Variants in PCDHA12 observed in about 807,000 individuals in gnomAD.
PCDHA12 encodes protocadherin alpha 12.
A neutral mutation model predicts 60.0 loss-of-function variants in PCDHA12; 44 were observed. The ratio of observed to expected loss-of-function variants is 0.73; its 90% CI spans 0.58 to 0.94. PCDHA12 has a LOEUF of 0.94. Ranked by LOEUF, PCDHA12 falls within the 40% of genes least tolerant of loss-of-function variation. The pLI is 0.00. For synonymous variants in PCDHA12, 569 were observed against 553.0 expected (o/e 1.03, Z -0.40); for missense variants, 1,276 against 1,239.7 (o/e 1.03, Z -0.44).
intron 1 of PCDHA12, among the ~76,000 whole-genome samples, chr5:140,901,384 T>C (rs2068629478): frequency 6.6e-6 from 1 of 152,226 alleles, no homozygotes. Flanking sequence ...TAATTCAATA[T>C]TTGTATATGG....
At chr5:140,911,299 T>A (rs1583781432) in intron 1 of PCDHA12, among the ~76,000 whole-genome samples, 1 of 152,154 alleles carries the variant, frequency 6.6e-6, no homozygotes, top group Non-Finnish European at 1.5e-5. Flanking sequence ...CTTTTACATA[T>A]CCCCATTCCA....
intron 1 of PCDHA12, chr5:140,882,078 C>T: frequency 1.1e-6 from 1 of 937,486 alleles, no homozygotes; most frequent in Non-Finnish European, 1.6e-6. Flanking sequence ...CGCATGGTGT[C>T]GCTCTTCACT....
Position 140,884,327 on chromosome 5 carries a change from G to T in PCDHA12, c.2367+6488G>T, listed in dbSNP as rs1400364790. The T allele has an allele frequency of 5.6e-6, 9 of 1,613,894 alleles. No individual in the cohort carries two copies. In the African/African-American group the frequency reaches 9.3e-5, roughly 17 times the overall value. Reference sequence around the variant, plus strand: ...TTCGTCGAGGGCGTCGGCAGGCGCTGTGGGTCCAGAAGCGGCGCTGGTGGA... The same window carrying T: ...TTCGTCGAGGGCGTCGGCAGGCGCTTTGGGTCCAGAAGCGGCGCTGGTGGA... On this transcript the variant is annotated intron_variant, in intron 1 of 3. Coordinates refer to ENST00000398631, the MANE Select transcript of PCDHA12 (RefSeq NM_018903.4).
chr5:140,920,002 A>G (rs1260973070), intron 1 of PCDHA12, among the ~76,000 whole-genome samples: 1 of 152,230 alleles, frequency 6.6e-6, no homozygotes, highest in Non-Finnish European at 1.5e-5. Flanking sequence ...CACAGAGGAA[A>G]AGGCCATGCG....
intron 1 of PCDHA12, among the ~76,000 whole-genome samples, chr5:140,940,306 T>C (rs2092590981): frequency 6.6e-6 from 1 of 152,200 alleles, no homozygotes; most frequent in Non-Finnish European, 1.5e-5. Context: ...TAATTTATTA[T>C]CTTTCTTCCA....
chr5:140,968,262 A>G, intron 1 of PCDHA12: 5 of 1,614,054 alleles, frequency 3.1e-6, no homozygotes, highest in Non-Finnish European at 4.2e-6. Flanking sequence ...CCAGATGAAA[A>G]GGAGAATGCA....
intron 1 of PCDHA12, among the ~76,000 whole-genome samples, chr5:140,938,177 C>A (rs1165477047): frequency 6.6e-6 from 1 of 152,110 alleles, no homozygotes; most frequent in African/African-American, 2.4e-5. Flanking sequence ...AGCTCCTGGG[C>A]TCAAGCAATC....
At chr5:140,943,630 T>C (rs1224015760) in intron 1 of PCDHA12, among the ~76,000 whole-genome samples, 1 of 152,130 alleles carries the variant, frequency 6.6e-6, no homozygotes, top group Non-Finnish European at 1.5e-5. Flanking sequence ...ATAAGGAAGC[T>C]GGATTATGGA....
At chr5:140,960,446 T>C (rs1563310715) in intron 1 of PCDHA12, among the ~76,000 whole-genome samples, 2 of 152,204 alleles carry the variant, frequency 1.3e-5, no homozygotes, top group African/African-American at 4.8e-5. Context: ...GATATATGTA[T>C]GGATAATTTT....
chr5:141,009,449 A>T, intron 3 of PCDHA12, among the ~76,000 whole-genome samples, 178 bp from the exon 4 acceptor site: 1 of 152,184 alleles, frequency 6.6e-6, no homozygotes, highest in Non-Finnish European at 1.5e-5. Context: ...GTCTCAAAAA[A>T]ATTAAACAAA....
At chr5:140,932,810 A>G (rs925757508) in intron 1 of PCDHA12, among the ~76,000 whole-genome samples, 1 of 151,958 alleles carries the variant, frequency 6.6e-6, no homozygotes, top group Non-Finnish European at 1.5e-5. Flanking sequence ...CCTTGGAAAC[A>G]TATAAGTGGG....
chr5:140,991,139 G>GT (rs1563571112), intron 3 of PCDHA12, among the ~76,000 whole-genome samples: 3 of 152,126 alleles, frequency 2.0e-5, no homozygotes, highest in Non-Finnish European at 4.4e-5. Flanking sequence ...TAGTAAAAAT[G>GT]TTTTTTGCTC....
chr5:140,876,228 T>G lies in PCDHA12; in HGVS notation c.756T>G (p.Ser252=), dbSNP rs1196218506. The G allele has an allele frequency of 3.7e-6, 6 of 1,613,958 alleles. No individual in the cohort carries two copies. Among genetic ancestry groups the G allele is most frequent in the Non-Finnish European group, 5.1e-6 (6 of 1,179,894 alleles). Residue 252 remains serine (S), a synonymous_variant, in exon 1 of 4, where the codon TCT becomes TCG. Coordinates refer to ENST00000398631, the MANE Select transcript of PCDHA12 (RefSeq NM_018903.4). ...AGCCCAGCTATAAAGTAGTGTTGTC[T>G]GAAAATGTCCAAAACGACACAAGAG... is the stretch of plus-strand genomic sequence containing the variant. The part of the protein sequence containing the change: ...FDKPSYKVVL[S]ENVQNDTRVI...
chr5:140,993,463 CACACACACACACACA>C (rs2097564014), intron 3 of PCDHA12, among the ~76,000 whole-genome samples: 3 of 7,580 alleles, frequency 4.0e-4, no homozygotes, highest in African/African-American at 2.0e-3. Context: ...CTTTCTTTCT[CACACACACACACACA>C]CACACACACA....
chr5:140,877,917 TTTC>T, intron 1 of PCDHA12, 78 bp downstream of exon 1: 2 of 1,427,712 alleles, frequency 1.4e-6, no homozygotes, highest in East Asian at 5.0e-5. Flanking sequence ...TTCTCTCATT[TTTC>T]TTTATGATTC....
At chr5:140,988,698 A>AT (rs782470160) in intron 3 of PCDHA12, among the ~76,000 whole-genome samples, 115 of 152,234 alleles carry the variant, frequency 7.6e-4, no homozygotes, top group Middle Eastern at 6.8e-3. Flanking sequence ...GACGCTCTGT[A>AT]TTTTCTTGGA....
intron 1 of PCDHA12, chr5:140,884,210 C>G: frequency 6.2e-7 from 1 of 1,613,532 alleles, no homozygotes; most frequent in South Asian, 1.1e-5. Context: ...CCACCGCCTT[C>G]TGGTGCTGGT....
At chr5:140,987,235 TAAAG>T (rs1182642222) in intron 3 of PCDHA12, among the ~76,000 whole-genome samples, 2 of 151,266 alleles carry the variant, frequency 1.3e-5, no homozygotes, top group African/African-American at 2.4e-5. Flanking sequence ...AAATAATAAA[TAAAG>T]AAAGAAAGAC....
chr5:140,877,888 C>T (rs1554170207), intron 1 of PCDHA12, 49 bp downstream of exon 1: 3 of 1,458,570 alleles, frequency 2.1e-6, no homozygotes, highest in South Asian at 1.5e-5. Flanking sequence ...GAAGAACTTC[C>T]GTTTAGGTTA....
Sources: gnomAD v4.1 joint callset for allele counts (sites outside exome capture counted in the v4.1 genomes callset) on GRCh38, gnomAD v4.1.1 for gene constraint, MANE v1.5 for transcripts, NCBI Gene and HGNC (gene_info 2026-07-23, HGNC 2026-07-21) for gene names.